Variants in RIN2 observed in about 807,000 individuals in gnomAD.
The protein encoded by RIN2 is Ras and Rab interactor 2, also known as RAB5 interacting protein 2.
A neutral mutation model predicts 78.0 loss-of-function variants in RIN2; 36 were observed. The observed-to-expected ratio is 0.46, with a 90% CI of 0.35 to 0.61. The LOEUF is 0.61. Ranked by LOEUF, RIN2 falls within the 20% of genes least tolerant of loss-of-function variation. The pLI, the probability that RIN2 is intolerant of heterozygous loss-of-function variation, is 0.00. For synonymous variants in RIN2, 466 were observed against 466.8 expected (o/e 1.00, Z 0.02); for missense variants, 1,087 against 1,159.7 (o/e 0.94, Z 0.91).
At chr20:19,878,728 C>T (rs2037932588) in intron 2 of RIN2, among the ~76,000 whole-genome samples, 1 of 152,172 alleles carries the variant, frequency 6.6e-6, no homozygotes, top group Admixed American at 6.5e-5. Context: ...GGCAATGATG[C>T]TGTCTCTACT....
At chr20:19,900,316 T>C (rs919381446) in intron 3 of RIN2, among the ~76,000 whole-genome samples, 1 of 151,616 alleles carries the variant, frequency 6.6e-6, no homozygotes, top group Non-Finnish European at 1.5e-5. Flanking sequence ...AAACCCTGAC[T>C]CTACAAAAAA....
intron 9 of RIN2, among the ~76,000 whole-genome samples, chr20:19,985,021 G>C (rs2042581152): frequency 6.6e-6 from 1 of 152,204 alleles, no homozygotes; most frequent in African/African-American, 2.4e-5. Flanking sequence ...CAGTGAGAGG[G>C]GAAGGGACTT....
chr20:19,920,512 C>G (rs1335527543), intron 3 of RIN2, among the ~76,000 whole-genome samples: 1 of 152,216 alleles, frequency 6.6e-6, no homozygotes, highest in Non-Finnish European at 1.5e-5. Context: ...AGGACTGTTT[C>G]AAGATACAGC....
intron 12 of RIN2, 28 bp from the exon 13 acceptor site, chr20:20,000,585 T>G (rs1385220295): frequency 6.5e-7 from 1 of 1,549,604 alleles, no homozygotes; most frequent in South Asian, 1.2e-5. Context: ...CTCTTCTGAC[T>G]GTCTCAACAT....
At chr20:19,837,744 TTTTTC>T (rs773331913) in intron 2 of RIN2, among the ~76,000 whole-genome samples, 1 of 151,784 alleles carries the variant, frequency 6.6e-6, no homozygotes, top group Non-Finnish European at 1.5e-5. Flanking sequence ...GATTCTTTCT[TTTTTC>T]TCTTTCTTTT....
chr20:19,785,567 A>G (rs545052886), intron 1 of RIN2, among the ~76,000 whole-genome samples: 1 of 152,190 alleles, frequency 6.6e-6, no homozygotes, highest in South Asian at 2.1e-4. Flanking sequence ...CCACAGGCCT[A>G]TGTTTTCTAA....
chr20:19,902,908 G>A (rs1048983936), intron 3 of RIN2, among the ~76,000 whole-genome samples: 25 of 152,066 alleles, frequency 1.6e-4, no homozygotes, highest in Admixed American at 2.6e-4. Flanking sequence ...CCTGGCTAAC[G>A]CGGTGAAACC....
At chr20:19,950,245 G>T (rs899873035) in intron 4 of RIN2, among the ~76,000 whole-genome samples, 2 of 152,062 alleles carry the variant, frequency 1.3e-5, no homozygotes, top group Non-Finnish European at 2.9e-5. Context: ...ATACTTTGCG[G>T]GCCATTCTAT....
rs563892518 is a variant in RIN2 at position 19,925,524 on chromosome 20, CAT to C, written c.58-9572_58-9571del. Among the ~76,000 whole-genome samples, 27 of 152,172 alleles carry C rather than the reference CAT, an allele frequency of 1.8e-4. No homozygotes were observed. In the South Asian group the frequency reaches 3.9e-3, roughly 22 times the overall value. ...ACAATGAAAGAGATCATATGTGAAA[CAT>C]ATCAGACAATGGATTCATATACACA... On this transcript the variant is annotated intron_variant, in intron 3 of 12. Transcript: ENST00000255006.
At chr20:19,921,778 AG>A (rs2039933740) in intron 3 of RIN2, among the ~76,000 whole-genome samples, 1 of 152,166 alleles carries the variant, frequency 6.6e-6, no homozygotes, top group Non-Finnish European at 1.5e-5. Context: ...TGGAGCCTGG[AG>A]GGGAAAGAGA....
At chr20:19,911,056 A>AT (rs11476686) in intron 3 of RIN2, among the ~76,000 whole-genome samples, 15 of 149,072 alleles carry the variant, frequency 1.0e-4, no homozygotes, top group Middle Eastern at 3.5e-3. Flanking sequence ...AAATATGTAA[A>AT]TTTTTTTTTT....
chr20:19,968,024 G>A (rs944183700), intron 7 of RIN2, among the ~76,000 whole-genome samples: 4 of 152,156 alleles, frequency 2.6e-5, no homozygotes, highest in Non-Finnish European at 5.9e-5. Context: ...GCCAAAGCCC[G>A]TATTTTCCCA....
At chr20:19,766,570 G>C (rs1164108749) in intron 1 of RIN2, among the ~76,000 whole-genome samples, 1 of 152,102 alleles carries the variant, frequency 6.6e-6, no homozygotes, top group African/African-American at 2.4e-5. Flanking sequence ...ACGGTGGATG[G>C]AATCATCAGT....
intron 2 of RIN2, among the ~76,000 whole-genome samples, chr20:19,807,360 AT>A (rs1452616560): frequency 1.3e-5 from 2 of 152,182 alleles, no homozygotes; most frequent in African/African-American, 4.8e-5. Flanking sequence ...ATGATGTGAA[AT>A]TTAAGTCTTT....
intron 2 of RIN2, chr20:19,809,206 G>C (rs369871371): frequency 1.6e-4 from 25 of 152,462 alleles, no homozygotes; most frequent in African/African-American, 5.5e-4. Context: ...AATTGCGGAT[G>C]ATCTGAATGA....
chr20:19,848,988 C>A (rs571097116), intron 2 of RIN2, among the ~76,000 whole-genome samples: 1 of 152,292 alleles, frequency 6.6e-6, no homozygotes, highest in African/African-American at 2.4e-5. Flanking sequence ...ACTCATCTGG[C>A]TTTCCTCAGG....
At chr20:19,894,160 A>G (rs984782379) in intron 3 of RIN2, among the ~76,000 whole-genome samples, 1 of 152,208 alleles carries the variant, frequency 6.6e-6, no homozygotes, top group Non-Finnish European at 1.5e-5. Context: ...GCTTTTAAGT[A>G]ATAAATGTGA....
chr20:19,898,908 A>T (rs17302016), intron 3 of RIN2, among the ~76,000 whole-genome samples: 58,894 of 152,108 alleles, frequency 0.39, 11,928 homozygotes, highest in Non-Finnish European at 0.45. Flanking sequence ...CTGGAATTAC[A>T]GAAAAAAATG....
intron 2 of RIN2, among the ~76,000 whole-genome samples, chr20:19,873,326 T>C (rs2037748852): frequency 6.6e-6 from 1 of 152,066 alleles, no homozygotes; most frequent in African/African-American, 2.4e-5. Flanking sequence ...GGGGTCTCAC[T>C]ATGTTGCCAA....
Sources: allele counts gnomAD v4.1 joint callset (sites outside exome capture counted in the v4.1 genomes callset), GRCh38; gene constraint gnomAD v4.1.1; transcripts MANE v1.5; gene names NCBI Gene and HGNC (gene_info 2026-07-23, HGNC 2026-07-21).